The following NFATC3 variants were observed in gnomAD, a reference collection of about 807,000 sequenced individuals.
The protein encoded by NFATC3 is nuclear factor of activated T-cells, cytoplasmic 3.
Under a neutral mutation model 98.6 loss-of-function variants are expected in NFATC3, and 46 were observed. The observed-to-expected ratio is 0.47, with a 90% CI of 0.37 to 0.60. The LOEUF (loss-of-function observed/expected upper bound fraction) is 0.60. Ranked by LOEUF, NFATC3 falls within the 20% of genes least tolerant of loss-of-function variation. NFATC3 has a pLI of 0.00. For synonymous variants in NFATC3, 512 were observed against 472.2 expected (o/e 1.08, Z -1.09); for missense variants, 1,256 against 1,295.5 (o/e 0.97, Z 0.47).
chr16:68,113,478 T>C (rs1399931970), intron 1 of NFATC3, among the ~76,000 whole-genome samples: 1 of 152,196 alleles, frequency 6.6e-6, no homozygotes, highest in Non-Finnish European at 1.5e-5. Context: ...GGGAGCTTCA[T>C]CCCAGAAGGC....
chr16:68,198,689 C>T (rs1197471454), intron 9 of NFATC3, among the ~76,000 whole-genome samples: 1 of 151,266 alleles, frequency 6.6e-6, no homozygotes, highest in Admixed American at 6.6e-5. Flanking sequence ...ATGGGAGGAT[C>T]GCTTGAGCCC....
rs117457044 is a variant in NFATC3 at position 68,206,703 on chromosome 16, C to T, written c.3106+14928C>T. Among the ~76,000 whole-genome samples the T allele has an allele frequency of 2.2e-4, 33 of 152,224 alleles. No homozygotes were observed. In the East Asian group the frequency reaches 6.2e-3, roughly 28 times the overall value. ...TCATCTGGTGAAAAATAATTTGGGC[C>T]TAGGCACAGTAGCTCACGTCTCTAA... On this transcript the variant is annotated intron_variant, in intron 9 of 9. Coordinates refer to ENST00000346183, the MANE Select transcript of NFATC3 (RefSeq NM_173165.3).
Position 68,126,599 on chromosome 16 carries a change from C to G in NFATC3, c.1390C>G (p.Pro464Ala), listed in dbSNP as rs2036841974. ...AGTAAAAGCATCTACTGGGGGACAT[C>G]CTGTTGTGAAGGTATGAGACTTTTG... ...GAVKASTGGH[P>A]VVKLLGYNEK... The change falls in exon 3 of 10, where the codon CCT (proline) becomes GCT (alanine). Residue 464 changes from proline (P) to alanine (A), a missense_variant. This residue lies in a region of NFATC3 where 156 missense variants were observed against 212.4 expected (regional missense o/e 0.73). Coordinates refer to ENST00000346183, the MANE Select transcript of NFATC3 (RefSeq NM_173165.3). 2 of 1,614,020 alleles carry G rather than the reference C, an allele frequency of 1.2e-6. No homozygotes were observed. Among genetic ancestry groups the G allele is most frequent in the East Asian group, 2.2e-5 (1 of 44,884 alleles).
chr16:68,095,274 G>C (rs1356939727), intron 1 of NFATC3, among the ~76,000 whole-genome samples: 1 of 151,798 alleles, frequency 6.6e-6, no homozygotes, highest in Non-Finnish European at 1.5e-5. Flanking sequence ...CTGGGTTCAG[G>C]TGATTGTGAT....
At chr16:68,181,878 G>T (rs1342554704) in intron 7 of NFATC3, among the ~76,000 whole-genome samples, 1 of 152,198 alleles carries the variant, frequency 6.6e-6, no homozygotes, top group African/African-American at 2.4e-5. Flanking sequence ...AGTGAGCCAT[G>T]ATCATGCCAC....
chr16:68,219,472 C>T (rs908902299), intron 9 of NFATC3, among the ~76,000 whole-genome samples: 17 of 152,068 alleles, frequency 1.1e-4, no homozygotes, highest in Non-Finnish European at 1.9e-4. Flanking sequence ...GGCTCTGAAG[C>T]GGGAGGATCG....
Position 68,192,228 on chromosome 16 carries a change from AAAAT to A in NFATC3, c.3106+455_3106+458del, listed in dbSNP as rs1221322538. On this transcript the variant is annotated intron_variant, in intron 9 of 9. Coordinates refer to ENST00000346183, the MANE Select transcript of NFATC3 (RefSeq NM_173165.3). ...GTCTCGGGAAAAAAAAAAAAAAAAA[AAAAT>A]ATATATATATATATATATATATGTA... The A allele has an allele frequency of 2.8e-4, 20 of 72,522 alleles. 1 individual carries two copies. Among genetic ancestry groups the A allele is most frequent in the Non-Finnish European group, 4.8e-4 (20 of 41,412 alleles). The allele number at this position is 72,522 out of a possible 1,614,324, so 4.5% of individuals were successfully genotyped here. A position where few individuals can be genotyped will look rare whatever the true frequency, so the allele number is the denominator to read the frequency against.
chr16:68,166,949 G>T lies in NFATC3; in HGVS notation c.1708G>T (p.Val570Leu). 1.2e-6 allele frequency: 2 copies of T among 1,614,170 alleles called. No homozygotes were observed. ...KNTRVRLVFR[V>L]HIPQPSGKVL... Reference sequence around the variant, plus strand: ...TACTAGAGTACGACTTGTGTTTCGTGTACACATCCCACAGCCCAGTGGAAA... The same window carrying T: ...TACTAGAGTACGACTTGTGTTTCGTTTACACATCCCACAGCCCAGTGGAAA... Residue 570 changes from valine to leucine, a missense_variant, in exon 5 of 10, where the codon GTA (valine) becomes TTA (leucine). Val to Leu is a conservative substitution (Grantham distance 32). This residue lies in a region of NFATC3 where 636 missense variants were observed against 617.3 expected (regional missense o/e 1.03). Coordinates refer to ENST00000346183, the MANE Select transcript of NFATC3 (RefSeq NM_173165.3).
At chr16:68,087,779 T>C (rs1424384942) in intron 1 of NFATC3, among the ~76,000 whole-genome samples, 1 of 152,220 alleles carries the variant, frequency 6.6e-6, no homozygotes, top group African/African-American at 2.4e-5. Flanking sequence ...TTCTAGATAT[T>C]TTATATAAAT....
chr16:68,176,234 C>G (rs1049639625), intron 6 of NFATC3, among the ~76,000 whole-genome samples: 1 of 152,194 alleles, frequency 6.6e-6, no homozygotes, highest in African/African-American at 2.4e-5. Context: ...TCTCGGCCTC[C>G]CAAAGTGCTG....
intron 9 of NFATC3, among the ~76,000 whole-genome samples, chr16:68,193,627 C>G (rs985020631): frequency 4.6e-5 from 7 of 152,072 alleles, no homozygotes; most frequent in African/African-American, 1.7e-4. Flanking sequence ...TGATCGCATA[C>G]TATTGCACTC....
At chr16:68,112,843 A>G (rs1217196221) in intron 1 of NFATC3, among the ~76,000 whole-genome samples, 1 of 151,342 alleles carries the variant, frequency 6.6e-6, no homozygotes, top group East Asian at 1.9e-4. Context: ...GATAGTCTTC[A>G]AGCTCTGATA....
At position 68,190,943 on chromosome 16, in the gene NFATC3, G is replaced by A; in HGVS notation, c.2274G>A (p.Met758Ile). ...CCATCCCACAAACATATGCATCCAT[G>A]GTGACCTCATCCCATCTGCCACAGT... ...ICSIPQTYAS[M>I]VTSSHLPQLQ... is the part of the protein sequence containing the mutation. The change falls in exon 9 of 10, where the codon ATG (methionine) becomes ATA (isoleucine). Residue 758 changes from methionine to isoleucine, a missense_variant. Around this residue, in one of 3 missense-constraint regions of NFATC3, gnomAD observed 636 missense variants for 617.3 expected, o/e 1.03. Transcript: ENST00000346183. The A allele has an allele frequency of 6.2e-7, 1 of 1,614,182 alleles. No homozygotes were observed. Among genetic ancestry groups the A allele is most frequent in the Non-Finnish European group, 8.5e-7 (1 of 1,180,044 alleles).
intron 3 of NFATC3, among the ~76,000 whole-genome samples, chr16:68,149,913 G>A (rs987419510): frequency 1.2e-4 from 19 of 152,066 alleles, no homozygotes; most frequent in African/African-American, 3.4e-4. Flanking sequence ...TTTTTGATAG[G>A]TTAGAAGTAG....
Position 68,191,517 on chromosome 16 carries a change from A to G in NFATC3, c.2848A>G (p.Met950Val). 8.7e-6 allele frequency: 14 copies of G among 1,614,130 alleles called. No homozygotes were observed. The highest frequency in any genetic ancestry group is 1.1e-5 in the Non-Finnish European group (13 of 1,180,028). ...SGPPSPQLQP[M>V]PYQSPSSGTA... Reference sequence around the variant, plus strand: ...GCCACCATCTCCTCAGCTTCAGCCTATGCCTTACCAATCTCCTAGCTCAGG... The same window carrying G: ...GCCACCATCTCCTCAGCTTCAGCCTGTGCCTTACCAATCTCCTAGCTCAGG... Residue 950 changes from methionine (M) to valine (V), a missense_variant, in exon 9 of 10, where the codon ATG becomes GTG. Met to Val is a conservative substitution (Grantham distance 21, BLOSUM62 1). This residue lies in a region of NFATC3 where 636 missense variants were observed against 617.3 expected (regional missense o/e 1.03). Coordinates refer to ENST00000346183, the MANE Select transcript of NFATC3 (RefSeq NM_173165.3).
intron 8 of NFATC3, chr16:68,189,182 T>C (rs915102208): frequency 1.3e-5 from 2 of 152,262 alleles, no homozygotes; most frequent in African/African-American, 4.8e-5. Flanking sequence ...TCTATCCTTA[T>C]GTTAATATCA....
intron 9 of NFATC3, among the ~76,000 whole-genome samples, chr16:68,196,830 C>G (rs947057706): frequency 1.3e-5 from 2 of 151,978 alleles, no homozygotes; most frequent in Admixed American, 6.6e-5. Context: ...CAGGAGTTCT[C>G]CACCAGCCTG....
intron 1 of NFATC3, among the ~76,000 whole-genome samples, chr16:68,096,993 T>TG (rs961731846): frequency 6.6e-6 from 1 of 152,014 alleles, no homozygotes; most frequent in African/African-American, 2.4e-5. Flanking sequence ...GGAATGGAGG[T>TG]GGGGACACAT....
chr16:68,106,561 A>G (rs1489613010), intron 1 of NFATC3, among the ~76,000 whole-genome samples: 1 of 151,826 alleles, frequency 6.6e-6, no homozygotes, highest in Non-Finnish European at 1.5e-5. Context: ...AAGTGCAGGG[A>G]TTACAGGCAT....
Sources: allele counts gnomAD v4.1 joint callset (sites outside exome capture counted in the v4.1 genomes callset), GRCh38; gene constraint gnomAD v4.1.1; regional missense constraint gnomAD v4.1.1; transcripts MANE v1.5; gene names NCBI Gene and HGNC (gene_info 2026-07-23, HGNC 2026-07-21).